SKAP1: variants seen among roughly 807,000 people sequenced by gnomAD.
SKAP1 encodes src kinase associated phosphoprotein 1.
In SKAP1, 44 loss-of-function variants were observed where a neutral mutation model predicts 58.5. That is an observed-to-expected ratio of 0.75 (90% CI 0.59 to 0.97). The LOEUF (loss-of-function observed/expected upper bound fraction) is 0.97. Ranked by LOEUF, SKAP1 falls within the 50% of genes least tolerant of loss-of-function variation. The probability of loss-of-function intolerance (pLI) is 0.00; values close to 1 mark genes in which losing one functional copy is unlikely to be tolerated. For missense variants in SKAP1, 390 were observed against 435.2 expected, an observed-to-expected ratio of 0.90 and a Z score of 0.92; for synonymous variants, 127 against 149.7, an observed-to-expected ratio of 0.85 and a Z score of 1.11.
intron 2 of SKAP1, among the ~76,000 whole-genome samples, chr17:48,392,050 T>C (rs2067355359): frequency 6.6e-6 from 1 of 152,180 alleles, no homozygotes. Flanking sequence ...GTATACTACT[T>C]CAAAACTCTT....
chr17:48,273,109 A>T (rs1273767016), intron 4 of SKAP1, among the ~76,000 whole-genome samples: 2 of 152,152 alleles, frequency 1.3e-5, no homozygotes, highest in Non-Finnish European at 2.9e-5. Flanking sequence ...GTTTATTTCT[A>T]CTGGATTTAG....
chr17:48,239,559 T>C (rs951646379), intron 4 of SKAP1, among the ~76,000 whole-genome samples: 1 of 152,182 alleles, frequency 6.6e-6, no homozygotes, highest in African/African-American at 2.4e-5. Context: ...AGACAGTGAA[T>C]TAAGAAAGAA....
intron 4 of SKAP1, among the ~76,000 whole-genome samples, chr17:48,305,487 C>G (rs759035124): frequency 5.3e-5 from 8 of 152,246 alleles, no homozygotes; most frequent in Non-Finnish European, 8.8e-5. Flanking sequence ...TACTTACTAT[C>G]TGGCCCTTTA....
At chr17:48,184,003 C>CAT (rs926596916) in intron 7 of SKAP1, among the ~76,000 whole-genome samples, 2 of 151,906 alleles carry the variant, frequency 1.3e-5, no homozygotes, top group African/African-American at 4.8e-5. Flanking sequence ...AAACAATACA[C>CAT]ACACATGCAA....
chr17:48,277,894 C>A (rs1320746212), intron 4 of SKAP1, among the ~76,000 whole-genome samples: 1 of 152,120 alleles, frequency 6.6e-6, no homozygotes, highest in Non-Finnish European at 1.5e-5. Context: ...CTGTGCCTGG[C>A]CTCAGCTTTA....
chr17:48,202,426 C>T (rs1044837929), intron 4 of SKAP1, among the ~76,000 whole-genome samples: 7 of 152,136 alleles, frequency 4.6e-5, no homozygotes, highest in Non-Finnish European at 7.4e-5. Flanking sequence ...AAACCTCACC[C>T]TCAGACAGCT....
At chr17:48,300,312 A>T (rs2066040676) in intron 4 of SKAP1, among the ~76,000 whole-genome samples, 1 of 152,188 alleles carries the variant, frequency 6.6e-6, no homozygotes. Context: ...GACAGGGCAG[A>T]ATGGCATGGG....
intron 1 of SKAP1, among the ~76,000 whole-genome samples, chr17:48,426,581 G>A (rs908703300): frequency 6.6e-6 from 1 of 152,052 alleles, no homozygotes. Flanking sequence ...TTTTGTTTTC[G>A]GTGTGGTTAT....
chr17:48,394,643 C>T (rs1414018085), intron 2 of SKAP1, among the ~76,000 whole-genome samples: 1 of 152,126 alleles, frequency 6.6e-6, no homozygotes, highest in East Asian at 1.9e-4. Context: ...GTTTAGCCTG[C>T]CATACATGTT....
chr17:48,234,666 C>A (rs1395669886), intron 4 of SKAP1, among the ~76,000 whole-genome samples: 33 of 152,084 alleles, frequency 2.2e-4, no homozygotes, highest in Admixed American at 2.2e-3. Context: ...GTTCTGAGAT[C>A]TGTGGGGGTA....
chr17:48,284,683 TAACTA>T (rs1167162198), intron 4 of SKAP1, among the ~76,000 whole-genome samples: 1 of 152,206 alleles, frequency 6.6e-6, no homozygotes. Flanking sequence ...GCTCTCACCT[TAACTA>T]GAGAACATAT....
chr17:48,265,341 T>C (rs1433326706), intron 4 of SKAP1, among the ~76,000 whole-genome samples: 2 of 151,970 alleles, frequency 1.3e-5, no homozygotes, highest in African/African-American at 4.8e-5. Flanking sequence ...CCATTTCTAC[T>C]CAAAATACAA....
intron 2 of SKAP1, among the ~76,000 whole-genome samples, chr17:48,384,234 T>G (rs182860197): frequency 6.6e-6 from 1 of 152,016 alleles, no homozygotes; most frequent in Non-Finnish European, 1.5e-5. Context: ...GCCTTGTTGA[T>G]GGTTTGGGGA....
chr17:48,203,377 G>A (rs557540959), intron 4 of SKAP1, among the ~76,000 whole-genome samples: 1 of 152,170 alleles, frequency 6.6e-6, no homozygotes, highest in Admixed American at 6.5e-5. Flanking sequence ...TGGTATAGAC[G>A]GATGAAATAG....
intron 4 of SKAP1, among the ~76,000 whole-genome samples, chr17:48,235,082 A>T (rs781357324): frequency 5.3e-5 from 8 of 152,216 alleles, no homozygotes; most frequent in Non-Finnish European, 1.2e-4. Flanking sequence ...TGTATATGTG[A>T]AGGCTTCACA....
chr17:48,434,839 C>T (rs2067932545), upstream of SKAP1, among the ~76,000 whole-genome samples: 1 of 152,108 alleles, frequency 6.6e-6, no homozygotes, highest in Non-Finnish European at 1.5e-5. Flanking sequence ...TCACTGTTGG[C>T]CCTCCTCCAT....
At chr17:48,372,748 T>C (rs1418404674) in intron 2 of SKAP1, among the ~76,000 whole-genome samples, 1 of 151,646 alleles carries the variant, frequency 6.6e-6, no homozygotes, top group Non-Finnish European at 1.5e-5. Context: ...TCAAGCAATC[T>C]TCCTGCCTCA....
At chr17:48,243,382 A>G (rs568705645) in intron 4 of SKAP1, among the ~76,000 whole-genome samples, 2 of 152,198 alleles carry the variant, frequency 1.3e-5, no homozygotes, top group Non-Finnish European at 2.9e-5. Context: ...AATCAGACAA[A>G]CCCAATGGCA....
rs571939455 is a variant in SKAP1, at chr17:48,388,663, G to T, written c.152+8017C>A. 3.0e-3 allele frequency among the ~76,000 whole-genome samples: 461 copies of T among 152,184 alleles called. 2 individuals carry two copies. Among genetic ancestry groups the T allele is most frequent in the Non-Finnish European group, 4.3e-3 (295 of 68,016 alleles). On this transcript the variant is annotated intron_variant, in intron 2 of 12. Transcript: ENST00000336915. ...ACTCCATCCCCAAACAATTCAGCAT[G>T]CATATAATTAACTAGACTTCAATAT...
Sources: allele counts gnomAD v4.1 joint callset (sites outside exome capture counted in the v4.1 genomes callset), GRCh38; gene constraint gnomAD v4.1.1; transcripts MANE v1.5; gene names NCBI Gene and HGNC (gene_info 2026-07-23, HGNC 2026-07-21).